Variants in PPP3CA observed in about 807,000 individuals in gnomAD.
PPP3CA encodes the protein protein phosphatase 3 catalytic subunit alpha.
In PPP3CA, 14 loss-of-function variants were observed where a neutral mutation model predicts 66.5. That is an observed-to-expected ratio of 0.21 (90% CI 0.14 to 0.33). PPP3CA has a LOEUF of 0.33. PPP3CA is among the 10% of genes least tolerant of loss of function. The pLI is 1.00. For synonymous variants in PPP3CA, 232 were observed against 226.2 expected, an observed-to-expected ratio of 1.03 and a Z score of -0.23; for missense variants, 317 against 639.5, an observed-to-expected ratio of 0.50 and a Z score of 5.44.
chr4:101,141,392 T>C (rs143422559), intron 2 of PPP3CA, among the ~76,000 whole-genome samples: 16 of 152,124 alleles, frequency 1.1e-4, no homozygotes, highest in African/African-American at 3.6e-4. Flanking sequence ...AAAAAACCCC[T>C]GCAGTGTCAT....
At chr4:101,259,501 G>A (rs1726948410) in intron 1 of PPP3CA, among the ~76,000 whole-genome samples, 1 of 151,980 alleles carries the variant, frequency 6.6e-6, no homozygotes, top group South Asian at 2.1e-4. Flanking sequence ...TCAAAACTTT[G>A]TTCTTTTTTG....
intron 1 of PPP3CA, among the ~76,000 whole-genome samples, chr4:101,277,140 C>T (rs1727521596): frequency 6.6e-6 from 1 of 152,154 alleles, no homozygotes. Flanking sequence ...TCCATAATAT[C>T]ACATAGATGG....
chr4:101,090,103 T>C (rs1036560574), intron 6 of PPP3CA, among the ~76,000 whole-genome samples: 2 of 152,210 alleles, frequency 1.3e-5, no homozygotes, highest in Non-Finnish European at 2.9e-5. Flanking sequence ...GGCTTGCTTG[T>C]GCCCATCTAG....
intron 2 of PPP3CA, among the ~76,000 whole-genome samples, chr4:101,165,400 A>ATT (rs35119399): frequency 6.6e-6 from 1 of 151,952 alleles, no homozygotes; most frequent in Non-Finnish European, 1.5e-5. Context: ...TGCTATGTCT[A>ATT]TTTTTTTACC....
rs1212332063 is a variant in PPP3CA, at chr4:101,324,148, GGGAGGGAGGAAGGAA to G, written c.58+22576_58+22590del. On this transcript the variant is annotated intron_variant, in intron 1 of 13. Transcript: ENST00000394854. The stretch of plus-strand genomic sequence containing the variant: ...AAAGGAAGGGAAGGAAGGGAAGGAA[GGGAGGGAGGAAGGAA>G]GGAAGGAAGGAAGGAAGGAAGGAAG... 1.5e-3 allele frequency among the ~76,000 whole-genome samples: 185 copies of G among 126,152 alleles called. 2 individuals are homozygous for G. The highest frequency in any genetic ancestry group is 6.6e-3 in the African/African-American group (172 of 25,880). The allele number at this position is 126,152 out of a possible 152,430, so 82.8% of individuals were successfully genotyped here.
intron 1 of PPP3CA, among the ~76,000 whole-genome samples, chr4:101,281,203 G>C (rs1051197807): frequency 6.6e-6 from 1 of 152,214 alleles, no homozygotes; most frequent in Non-Finnish European, 1.5e-5. Flanking sequence ...GCTTTGGAGA[G>C]GGTTCAAGGA....
intron 3 of PPP3CA, among the ~76,000 whole-genome samples, chr4:101,106,450 A>AAAGAAAGAAAGAAAGAAAGAAAG (rs751759518): frequency 0.042 from 469 of 11,106 alleles, 112 homozygotes; most frequent in Admixed American, 0.067. Context: ...AGAAAGAAAG[A>AAAGAAAGAAAGAAAGAAAGAAAG]AAGAGAAAAG....
At chr4:101,039,920 A>G (rs3804353) in intron 11 of PPP3CA, among the ~76,000 whole-genome samples, 2 of 144,078 alleles carry the variant, frequency 1.4e-5, no homozygotes, top group Middle Eastern at 3.7e-3. Flanking sequence ...AAATAACTGG[A>G]GTTTCCTTCA....
intron 10 of PPP3CA, among the ~76,000 whole-genome samples, chr4:101,041,636 G>A (rs1483508816): frequency 5.3e-5 from 8 of 151,874 alleles, no homozygotes; most frequent in African/African-American, 1.9e-4. Flanking sequence ...GCTTCACCAG[G>A]TTGGTCAGGC....
intron 1 of PPP3CA, among the ~76,000 whole-genome samples, chr4:101,300,675 C>T (rs1190853977): frequency 6.6e-6 from 1 of 152,042 alleles, no homozygotes; most frequent in Non-Finnish European, 1.5e-5. Flanking sequence ...CACACGCCTG[C>T]AGTTTCAGCT....
intron 1 of PPP3CA, among the ~76,000 whole-genome samples, chr4:101,321,308 C>T (rs1729034832): frequency 6.6e-6 from 1 of 152,104 alleles, no homozygotes; most frequent in Admixed American, 6.5e-5. Flanking sequence ...TCTGGTATAG[C>T]CGACTTACAG....
At chr4:101,341,579 T>C (rs1437573920) in intron 1 of PPP3CA, among the ~76,000 whole-genome samples, 1 of 152,196 alleles carries the variant, frequency 6.6e-6, no homozygotes, top group Non-Finnish European at 1.5e-5. Context: ...TACCAGGCAG[T>C]GGACAAAGTG....
chr4:101,266,758 G>C (rs189206170), intron 1 of PPP3CA, among the ~76,000 whole-genome samples: 5 of 152,226 alleles, frequency 3.3e-5, no homozygotes, highest in Admixed American at 3.3e-4. Context: ...AAAATTAGGG[G>C]CTATGTGTAG....
chr4:101,194,089 G>GTAA (rs1253324811), intron 2 of PPP3CA, among the ~76,000 whole-genome samples: 1 of 152,078 alleles, frequency 6.6e-6, no homozygotes, highest in Non-Finnish European at 1.5e-5. Context: ...GTAAGTCTCT[G>GTAA]GCTTGACTTA....
intron 10 of PPP3CA, among the ~76,000 whole-genome samples, chr4:101,052,797 T>C (rs1034811616): frequency 4.6e-5 from 7 of 152,068 alleles, no homozygotes; most frequent in African/African-American, 1.4e-4. Flanking sequence ...TATGGACTTA[T>C]CACATGGCCA....
intron 1 of PPP3CA, among the ~76,000 whole-genome samples, chr4:101,269,141 CCCT>C (rs1410864168): frequency 2.0e-5 from 3 of 152,226 alleles, no homozygotes; most frequent in East Asian, 3.9e-4. Flanking sequence ...TACACAGATG[CCCT>C]CCTCATCGTC....
At chr4:101,343,544 T>C (rs1405221996) in intron 1 of PPP3CA, among the ~76,000 whole-genome samples, 1 of 151,946 alleles carries the variant, frequency 6.6e-6, no homozygotes, top group African/African-American at 2.4e-5. Flanking sequence ...CCATATTATT[T>C]TGATTTCCAG....
chr4:101,153,145 T>C (rs905764647), intron 2 of PPP3CA, among the ~76,000 whole-genome samples: 1 of 152,156 alleles, frequency 6.6e-6, no homozygotes, highest in East Asian at 1.9e-4. Context: ...GGTAAAGTGT[T>C]TGGATTCTAT....
At chr4:101,195,253 G>A (rs919899295) in intron 2 of PPP3CA, among the ~76,000 whole-genome samples, 1 of 138,776 alleles carries the variant, frequency 7.2e-6, no homozygotes, top group African/African-American at 2.7e-5. Flanking sequence ...GGTGACAAGA[G>A]TGAAACTTCA....
Sources: gnomAD v4.1 joint callset for allele counts (sites outside exome capture counted in the v4.1 genomes callset) on GRCh38, gnomAD v4.1.1 for gene constraint, MANE v1.5 for transcripts, NCBI Gene and HGNC (gene_info 2026-07-23, HGNC 2026-07-21) for gene names.